Variants in RP1 observed in about 807,000 individuals in gnomAD.
The protein encoded by RP1 is RP1 axonemal microtubule associated, also known as oxygen-regulated protein 1.
In RP1, 16 loss-of-function variants were observed where a neutral mutation model predicts 14.8. The observed-to-expected ratio is 1.08, with a 90% CI of 0.73 to 1.65. The LOEUF is 1.65. RP1 is among the 40% of genes most tolerant of loss of function. The pLI is 0.00. For synonymous variants in RP1, 876 were observed against 883.6 expected, an observed-to-expected ratio of 0.99 and a Z score of 0.15; for missense variants, 2,631 against 2,535.0, an observed-to-expected ratio of 1.04 and a Z score of -0.81.
In RP1 at chr8:54,793,784, T is replaced by C. The variant is rs75439027; in HGVS notation, c.3615+10074T>C. Among the ~76,000 whole-genome samples the C allele has an allele frequency of 3.4e-3, 523 of 152,096 alleles. 2 individuals carry two copies. The highest frequency in any genetic ancestry group is 0.011 in the African/African-American group (468 of 41,562). On this transcript the variant is annotated intron_variant, in intron 24 of 28. Coordinates refer to the RP1 transcript ENST00000637698. ...TCAGGAACAAGATAAGGGTGCCTACTCTTGCTACTTCTATTTAACATAGTA... is the reference window on the plus strand; with the variant it reads ...TCAGGAACAAGATAAGGGTGCCTACCCTTGCTACTTCTATTTAACATAGTA...
At chr8:54,562,888 G>C (rs756338727) in intron 1 of RP1, among the ~76,000 whole-genome samples, 11 of 152,190 alleles carry the variant, frequency 7.2e-5, no homozygotes, top group Non-Finnish European at 1.5e-4. Flanking sequence ...AGACCACGGA[G>C]ACAGGTGAAT....
At chr8:54,631,268 T>C (rs181933837), downstream of RP1, among the ~76,000 whole-genome samples, 3 of 152,180 alleles carry the variant, frequency 2.0e-5, no homozygotes, top group Non-Finnish European at 4.4e-5. Context: ...ACTACTTCTA[T>C]GTAGAGTATG....
rs190818568 is a variant in RP1 at position 54,604,014 on chromosome 8, T to C, written c.-12-16941T>C. On this transcript the variant is annotated intron_variant, in intron 1 of 22. Transcript: ENST00000636932. ...ACAATTTGACTTCCTCTTTTCCTAC[T>C]TGAACACCCTTTATTTCCTTCTCCT... 3.8e-3 allele frequency among the ~76,000 whole-genome samples: 575 copies of C among 152,312 alleles called. 8 individuals are homozygous for C. The highest frequency in any genetic ancestry group is 0.027 in the East Asian group (141 of 5,174).
At chr8:54,798,695 T>A (rs1037379047) in intron 24 of RP1, among the ~76,000 whole-genome samples, 4 of 152,324 alleles carry the variant, frequency 2.6e-5, no homozygotes, top group African/African-American at 9.6e-5. Flanking sequence ...TTGAAGTGAT[T>A]TGTCCTCAGA....
intron 15 of RP1, among the ~76,000 whole-genome samples, chr8:54,717,682 T>C (rs1031876379): frequency 6.6e-6 from 1 of 152,050 alleles, no homozygotes; most frequent in Non-Finnish European, 1.5e-5. Context: ...TTCTTTAAGA[T>C]CAAGAACAAA....
intron 25 of RP1, among the ~76,000 whole-genome samples, chr8:54,846,211 T>G (rs1811917010): frequency 6.6e-6 from 1 of 152,240 alleles, no homozygotes; most frequent in Non-Finnish European, 1.5e-5. Context: ...AACAATTAAT[T>G]GGCTTCAATT....
intron 25 of RP1, among the ~76,000 whole-genome samples, chr8:54,842,140 C>G (rs1418943849): frequency 6.6e-6 from 1 of 152,080 alleles, no homozygotes; most frequent in Admixed American, 6.5e-5. Context: ...TATCACAGTA[C>G]TCGTCAATAT....
chr8:54,702,841 T>A (rs77094829), intron 14 of RP1, among the ~76,000 whole-genome samples: 3,687 of 152,332 alleles, frequency 0.024, 160 homozygotes, highest in African/African-American at 0.083. Context: ...TTAACAATGT[T>A]CACAGTATCT....
At chr8:54,652,029 A>C (rs1428710150) in intron 4 of RP1, among the ~76,000 whole-genome samples, 1 of 144,800 alleles carries the variant, frequency 6.9e-6, no homozygotes, top group South Asian at 2.1e-4. Flanking sequence ...TTTTTCTGAG[A>C]TGGAGTCTAT....
intron 19 of RP1, among the ~76,000 whole-genome samples, chr8:54,753,483 G>C (rs1348816360): frequency 6.6e-6 from 1 of 152,154 alleles, no homozygotes; most frequent in Non-Finnish European, 1.5e-5. Context: ...CTTAGAAGAG[G>C]TTATGTGTAA....
intron 15 of RP1, among the ~76,000 whole-genome samples, chr8:54,708,580 C>T (rs532870567): frequency 3.9e-5 from 6 of 152,152 alleles, no homozygotes; most frequent in East Asian, 1.9e-4. Flanking sequence ...AGGATGGTCT[C>T]GATCTTCTGA....
intron 25 of RP1, among the ~76,000 whole-genome samples, chr8:54,849,419 T>A (rs1812007681): frequency 6.6e-6 from 1 of 152,130 alleles, no homozygotes; most frequent in African/African-American, 2.4e-5. Context: ...AAAAATCCTA[T>A]CATCCCCCTT....
At chr8:54,731,466 C>T (rs564725411) in intron 17 of RP1, among the ~76,000 whole-genome samples, 37 of 152,170 alleles carry the variant, frequency 2.4e-4, no homozygotes, top group Middle Eastern at 3.4e-3. Context: ...GTTCTCAGTT[C>T]TCAGCAGAAA....
intron 23 of RP1, chr8:54,783,494 ATTAATGTGTTTTT>A (rs1810239128): frequency 1.1e-6 from 1 of 901,216 alleles, no homozygotes; most frequent in African/African-American, 1.7e-5. Flanking sequence ...TTTTCCTAAT[ATTAATGTGTTTTT>A]CCCCTATACT....
intron 4 of RP1, chr8:54,649,280 A>C (rs1007939848): frequency 1.3e-5 from 9 of 713,036 alleles, no homozygotes; most frequent in Non-Finnish European, 1.6e-5. Context: ...AATTTATGGA[A>C]GTTTTTGCTC....
chr8:54,862,573 C>T (rs1358212447), intron 27 of RP1, among the ~76,000 whole-genome samples: 13 of 152,116 alleles, frequency 8.5e-5, no homozygotes, highest in Admixed American at 8.5e-4. Context: ...GAGTATTCCA[C>T]ACACAGGTAA....
chr8:54,572,282 A>C (rs564780132), intron 1 of RP1, among the ~76,000 whole-genome samples: 29 of 152,370 alleles, frequency 1.9e-4, no homozygotes, highest in African/African-American at 6.7e-4. Context: ...CATCAGGCCC[A>C]CTTGACTGAA....
chr8:54,700,173 A>C (rs1585618436), intron 13 of RP1, among the ~76,000 whole-genome samples: 1 of 151,976 alleles, frequency 6.6e-6, no homozygotes, highest in South Asian at 2.1e-4. Flanking sequence ...TGACACTAAC[A>C]CCAGTGCTAC....
At chr8:54,668,175 T>C (rs561125151) in intron 7 of RP1, among the ~76,000 whole-genome samples, 2 of 152,228 alleles carry the variant, frequency 1.3e-5, no homozygotes, top group South Asian at 4.1e-4. Flanking sequence ...GATTCAAGAC[T>C]GGTTCAACAT....
Sources: gnomAD v4.1 joint callset for allele counts (sites outside exome capture counted in the v4.1 genomes callset) on GRCh38, gnomAD v4.1.1 for gene constraint, MANE v1.5 for transcripts, NCBI Gene and HGNC (gene_info 2026-07-23, HGNC 2026-07-21) for gene names.